Variants in LRP1B observed in about 807,000 individuals in gnomAD.
The protein encoded by LRP1B is low-density lipoprotein receptor-related protein 1B.
In LRP1B, 217 loss-of-function variants were observed where a neutral mutation model predicts 556.6. The ratio of observed to expected loss-of-function variants is 0.39; its 90% CI spans 0.35 to 0.44. The LOEUF (loss-of-function observed/expected upper bound fraction) is 0.44, where lower values mean the gene tolerates loss of function less well. Ranked by LOEUF, LRP1B falls within the 20% of genes least tolerant of loss-of-function variation. The pLI is 1.00. For missense variants in LRP1B, 5,053 were observed against 5,620.8 expected, an observed-to-expected ratio of 0.90 and a Z score of 3.23; for synonymous variants, 2,047 against 1,865.8, an observed-to-expected ratio of 1.10 and a Z score of -2.50.
intron 7 of LRP1B, among the ~76,000 whole-genome samples, chr2:141,063,593 A>C (rs1044452859): frequency 6.6e-6 from 1 of 151,860 alleles, no homozygotes; most frequent in Admixed American, 6.6e-5. Flanking sequence ...CTAAACGATC[A>C]AATCACTGCT....
chr2:140,664,050 G>A (rs796888569), intron 41 of LRP1B, among the ~76,000 whole-genome samples: 2 of 152,266 alleles, frequency 1.3e-5, no homozygotes, highest in Middle Eastern at 3.4e-3. Flanking sequence ...CTGTATTTCT[G>A]ACTGCTCATT....
intron 10 of LRP1B, among the ~76,000 whole-genome samples, chr2:141,050,120 G>A (rs893452440): frequency 6.6e-6 from 1 of 151,612 alleles, no homozygotes; most frequent in African/African-American, 2.4e-5. Context: ...AGATACAAAA[G>A]ACTCAGCTGT....
intron 2 of LRP1B, among the ~76,000 whole-genome samples, chr2:141,753,092 T>C (rs1437774403): frequency 1.4e-5 from 2 of 148,020 alleles, no homozygotes; most frequent in African/African-American, 5.0e-5. Context: ...GTATTAAAAA[T>C]ATAAAATTAG....
rs114775629 is a variant in LRP1B, at chr2:140,951,655, C to G, written c.2968+205G>C. Among the ~76,000 whole-genome samples the G allele has an allele frequency of 5.5e-3, 834 of 152,322 alleles. 9 individuals are homozygous for G. The highest frequency in any genetic ancestry group is 0.019 in the African/African-American group (785 of 41,572). On this transcript the variant is annotated intron_variant, in intron 19 of 90. Transcript: ENST00000389484. Reference sequence around the variant, plus strand: ...CATTTGAAAACAAATCTCTATCACACACCCATGGGGCAAATATTGAGTTCC... The same window carrying G: ...CATTTGAAAACAAATCTCTATCACAGACCCATGGGGCAAATATTGAGTTCC...
At chr2:141,331,747 A>G (rs1271610559) in intron 3 of LRP1B, among the ~76,000 whole-genome samples, 1 of 152,116 alleles carries the variant, frequency 6.6e-6, no homozygotes, top group Non-Finnish European at 1.5e-5. Context: ...AAAGGGAGAT[A>G]TTAGCCTTTA....
chr2:140,239,665 G>A (rs953177280), intron 87 of LRP1B, 133 bp from the exon 88 acceptor site: 175 of 517,584 alleles, frequency 3.4e-4, no homozygotes, highest in Non-Finnish European at 4.8e-4. Context: ...TTTATATTTC[G>A]GGTTCATAAT....
chr2:140,751,941 A>G (rs2104896493), intron 35 of LRP1B, among the ~76,000 whole-genome samples: 1 of 152,332 alleles, frequency 6.6e-6, no homozygotes, highest in African/African-American at 2.4e-5. Flanking sequence ...ACGCAGTACA[A>G]TAATAACAGG....
chr2:141,213,244 C>A (rs1438496165), intron 6 of LRP1B, among the ~76,000 whole-genome samples: 1 of 151,880 alleles, frequency 6.6e-6, no homozygotes, highest in African/African-American at 2.4e-5. Context: ...AGCCCCCATG[C>A]CCAGCCAAAA....
chr2:140,725,708 T>C (rs1012635159), intron 35 of LRP1B, among the ~76,000 whole-genome samples: 4 of 151,534 alleles, frequency 2.6e-5, no homozygotes, highest in Non-Finnish European at 4.4e-5. Context: ...AATAAAAAAA[T>C]AAATAAAGTA....
At chr2:141,029,391 A>T (rs1304898246) in intron 11 of LRP1B, among the ~76,000 whole-genome samples, 1 of 152,096 alleles carries the variant, frequency 6.6e-6, no homozygotes, top group East Asian at 1.9e-4. Flanking sequence ...GTGTCCCTGT[A>T]CATTCTTGCT....
At chr2:140,985,429 C>G (rs975443367) in intron 17 of LRP1B, among the ~76,000 whole-genome samples, 1 of 150,880 alleles carries the variant, frequency 6.6e-6, no homozygotes, top group African/African-American at 2.4e-5. Context: ...ATTATGTAAT[C>G]TAACCAGAGC....
At chr2:142,062,512 ATGT>A (rs1157278278) in intron 1 of LRP1B, among the ~76,000 whole-genome samples, 2 of 151,800 alleles carry the variant, frequency 1.3e-5, no homozygotes, top group African/African-American at 4.8e-5. Context: ...CAAAATTTTG[ATGT>A]TGATGTCTAC....
At chr2:140,369,821 G>T (rs1374557772) in intron 71 of LRP1B, among the ~76,000 whole-genome samples, 1 of 151,890 alleles carries the variant, frequency 6.6e-6, no homozygotes, top group African/African-American at 2.4e-5. Flanking sequence ...TTTTAGACAG[G>T]TTTAAAATAC....
intron 35 of LRP1B, among the ~76,000 whole-genome samples, chr2:140,725,968 G>A (rs1687580285): frequency 1.3e-5 from 2 of 152,122 alleles, no homozygotes; most frequent in Admixed American, 1.3e-4. Context: ...CATTAGAACT[G>A]CTTGAGGAAT....
At chr2:141,659,407 G>T (rs1235989915) in intron 2 of LRP1B, among the ~76,000 whole-genome samples, 3 of 152,066 alleles carry the variant, frequency 2.0e-5, no homozygotes, top group African/African-American at 7.2e-5. Context: ...AACAGTCATG[G>T]GGTTGTGTCT....
intron 2 of LRP1B, among the ~76,000 whole-genome samples, chr2:141,657,139 AT>A (rs1271636609): frequency 6.6e-6 from 1 of 152,106 alleles, no homozygotes; most frequent in African/African-American, 2.4e-5. Flanking sequence ...CAAAATTATT[AT>A]GTGTACATAA....
chr2:141,098,371 C>T (rs962392477), intron 7 of LRP1B, among the ~76,000 whole-genome samples: 39 of 152,186 alleles, frequency 2.6e-4, no homozygotes, highest in African/African-American at 9.4e-4. Context: ...TCTTTGAAAT[C>T]AGCTAATGTG....
intron 7 of LRP1B, among the ~76,000 whole-genome samples, chr2:141,125,927 C>T (rs946067637): frequency 7.9e-6 from 1 of 125,884 alleles, no homozygotes; most frequent in Non-Finnish European, 1.7e-5. Flanking sequence ...TGATTGTTAA[C>T]CTCTTCTTAA....
intron 33 of LRP1B, among the ~76,000 whole-genome samples, chr2:140,773,768 A>C (rs1689398393): frequency 6.6e-6 from 1 of 151,886 alleles, no homozygotes; most frequent in Admixed American, 6.6e-5. Flanking sequence ...AGGAGAGAAA[A>C]AGTAAAAAAT....
Sources: gnomAD v4.1 joint callset for allele counts (sites outside exome capture counted in the v4.1 genomes callset) on GRCh38, gnomAD v4.1.1 for gene constraint, MANE v1.5 for transcripts, NCBI Gene and HGNC (gene_info 2026-07-23, HGNC 2026-07-21) for gene names.